Variants in ALCAM observed in about 807,000 individuals in gnomAD.
ALCAM encodes the protein activated leukocyte cell adhesion molecule.
In ALCAM, 30 loss-of-function variants were observed where a neutral mutation model predicts 70.9. The ratio of observed to expected loss-of-function variants is 0.42; its 90% CI spans 0.32 to 0.57. The LOEUF is 0.57. Ranked by LOEUF, ALCAM falls within the 20% of genes least tolerant of loss-of-function variation. ALCAM has a pLI of 0.11. For synonymous variants in ALCAM, 249 were observed against 242.5 expected, an observed-to-expected ratio of 1.03 and a Z score of -0.25; for missense variants, 591 against 695.1, an observed-to-expected ratio of 0.85 and a Z score of 1.68.
At chr3:105,399,092 G>A (rs1936023830) in intron 1 of ALCAM, among the ~76,000 whole-genome samples, 2 of 151,996 alleles carry the variant, frequency 1.3e-5, no homozygotes, top group African/African-American at 4.8e-5. Context: ...AACACAGACT[G>A]CAACTGATTT....
intron 1 of ALCAM, among the ~76,000 whole-genome samples, chr3:105,429,188 T>C (rs1311962923): frequency 6.6e-6 from 1 of 152,022 alleles, no homozygotes; most frequent in Non-Finnish European, 1.5e-5. Flanking sequence ...TCTGTCATCC[T>C]TCTTTTGGTT....
At chr3:105,492,185 C>T (rs1032128914) in intron 1 of ALCAM, among the ~76,000 whole-genome samples, 5 of 152,076 alleles carry the variant, frequency 3.3e-5, no homozygotes, top group Non-Finnish European at 7.3e-5. Context: ...ATAAAAGCAT[C>T]GGACCTCATG....
intron 14 of ALCAM, 174 bp downstream of exon 14, chr3:105,552,759 G>T (rs1940440683): frequency 1.4e-6 from 2 of 1,430,200 alleles, no homozygotes; most frequent in African/African-American, 2.9e-5. Context: ...CACTGCCTTT[G>T]TCAGGGACAT....
intron 1 of ALCAM, among the ~76,000 whole-genome samples, chr3:105,492,925 AT>A (rs1938628053): frequency 1.3e-5 from 2 of 152,326 alleles, no homozygotes; most frequent in African/African-American, 4.8e-5. Flanking sequence ...TACCTAATGA[AT>A]TTTTAAGAGC....
intron 1 of ALCAM, among the ~76,000 whole-genome samples, chr3:105,441,861 T>G (rs1339798822): frequency 6.6e-6 from 1 of 152,314 alleles, no homozygotes; most frequent in South Asian, 2.1e-4. Flanking sequence ...CACTTAAATA[T>G]CTAAGTGGAT....
intron 1 of ALCAM, among the ~76,000 whole-genome samples, chr3:105,502,444 T>C (rs1009021852): frequency 4.6e-5 from 7 of 152,186 alleles, no homozygotes; most frequent in African/African-American, 1.7e-4. Context: ...GCCATGCTTT[T>C]GGAAATCATT....
At chr3:105,477,647 G>C (rs1254873866) in intron 1 of ALCAM, among the ~76,000 whole-genome samples, 2 of 151,992 alleles carry the variant, frequency 1.3e-5, no homozygotes, top group African/African-American at 4.8e-5. Flanking sequence ...CACCACATTG[G>C]GGGAAATGTT....
At chr3:105,542,625 A>G (rs1940147359) in intron 8 of ALCAM, among the ~76,000 whole-genome samples, 1 of 151,854 alleles carries the variant, frequency 6.6e-6, no homozygotes, top group South Asian at 2.1e-4. Flanking sequence ...ATCCACTACA[A>G]TCCCACTGAG....
chr3:105,528,717 T>TG (rs1170833407), intron 3 of ALCAM, among the ~76,000 whole-genome samples: 1 of 152,014 alleles, frequency 6.6e-6, no homozygotes, highest in African/African-American at 2.4e-5. Context: ...CAACACACAC[T>TG]GGGGCCTTTC....
chr3:105,563,158 G>T (rs1364408197), intron 14 of ALCAM, among the ~76,000 whole-genome samples: 1 of 148,652 alleles, frequency 6.7e-6, no homozygotes, highest in East Asian at 2.0e-4. Context: ...ATTTTGGCAG[G>T]TTGCTCAATA....
chr3:105,392,356 C>T (rs1267975764), intron 1 of ALCAM, among the ~76,000 whole-genome samples: 1 of 151,784 alleles, frequency 6.6e-6, no homozygotes, highest in East Asian at 1.9e-4. Flanking sequence ...AGTTTATTTG[C>T]ATAACGGTGT....
At chr3:105,545,394 A>G (rs1576233794) in intron 9 of ALCAM, 59 bp downstream of exon 9, 2 of 1,212,344 alleles carry the variant, frequency 1.6e-6, no homozygotes, top group Non-Finnish European at 2.4e-6. Flanking sequence ...TAGGTTTCTT[A>G]TGCACTTTAT....
intron 1 of ALCAM, among the ~76,000 whole-genome samples, chr3:105,484,405 C>G (rs992035412): frequency 1.3e-5 from 2 of 151,378 alleles, no homozygotes; most frequent in Admixed American, 1.3e-4. Context: ...GGCATGCTGC[C>G]ATACCCAGGA....
rs1030695806 is a variant in ALCAM, at chr3:105,477,188, A to G, written c.74-42879A>G. 7.2e-5 allele frequency among the ~76,000 whole-genome samples: 11 copies of G among 152,254 alleles called. No individual in the cohort carries two copies. In the East Asian group the frequency reaches 1.9e-3, roughly 27 times the overall value. ...ACTAATACAAATGTATATGTATTTT[A>G]GAAAAATTGAAAAGGAAAATTCCCT... On this transcript the variant is annotated intron_variant, in intron 1 of 15. Coordinates refer to ENST00000306107, the MANE Select transcript of ALCAM (RefSeq NM_001627.4).
chr3:105,425,383 C>T (rs137862448), intron 1 of ALCAM, among the ~76,000 whole-genome samples: 1 of 151,688 alleles, frequency 6.6e-6, no homozygotes, highest in Non-Finnish European at 1.5e-5. Flanking sequence ...CAGAGTGGAA[C>T]CTCTCAGTCT....
At chr3:105,385,564 T>C (rs1935631667) in intron 1 of ALCAM, among the ~76,000 whole-genome samples, 1 of 151,664 alleles carries the variant, frequency 6.6e-6, no homozygotes, top group African/African-American at 2.4e-5. Context: ...AAGCCCAAAT[T>C]TGAATCTCTT....
chr3:105,383,096 A>G (rs1935568070), intron 1 of ALCAM, among the ~76,000 whole-genome samples: 1 of 151,700 alleles, frequency 6.6e-6, no homozygotes, highest in African/African-American at 2.4e-5. Context: ...CACCCTCTCA[A>G]TCACCCTTTC....
At chr3:105,393,908 G>A (rs1370187759) in intron 1 of ALCAM, among the ~76,000 whole-genome samples, 9 of 151,708 alleles carry the variant, frequency 5.9e-5, no homozygotes, top group Non-Finnish European at 1.3e-4. Flanking sequence ...CACATGATTT[G>A]GAATTTATAT....
chr3:105,400,768 A>G (rs1936068840), intron 1 of ALCAM, among the ~76,000 whole-genome samples: 2 of 152,118 alleles, frequency 1.3e-5, no homozygotes, highest in African/African-American at 4.8e-5. Context: ...AAACTAATCT[A>G]TTGTTCAGAG....
Sources: allele counts gnomAD v4.1 joint callset (sites outside exome capture counted in the v4.1 genomes callset), GRCh38; gene constraint gnomAD v4.1.1; transcripts MANE v1.5; gene names NCBI Gene and HGNC (gene_info 2026-07-23, HGNC 2026-07-21).